ITGBL1: variants seen among roughly 807,000 people sequenced by gnomAD.
ITGBL1 encodes integrin beta-like protein 1.
A neutral mutation model predicts 68.5 loss-of-function variants in ITGBL1; 51 were observed. The ratio of observed to expected loss-of-function variants is 0.74; its 90% CI spans 0.59 to 0.94. The LOEUF (loss-of-function observed/expected upper bound fraction) is 0.94, where lower values mean the gene tolerates loss of function less well. ITGBL1 is among the 40% of genes least tolerant of loss of function. ITGBL1 has a pLI of 0.00. For missense variants in ITGBL1, 649 were observed against 647.4 expected, an observed-to-expected ratio of 1.00 and a Z score of -0.03; for synonymous variants, 209 against 227.3, an observed-to-expected ratio of 0.92 and a Z score of 0.72.
intron 7 of ITGBL1, among the ~76,000 whole-genome samples, chr13:101,607,210 C>T (rs916475642): frequency 1.8e-4 from 28 of 151,832 alleles, no homozygotes; most frequent in East Asian, 3.9e-4. Flanking sequence ...GGTAGGAAGA[C>T]GTATAATTAT....
chr13:101,647,315 A>G (rs1294609462), intron 7 of ITGBL1, among the ~76,000 whole-genome samples: 2 of 152,220 alleles, frequency 1.3e-5, no homozygotes, highest in Non-Finnish European at 2.9e-5. Context: ...ACCATCTATG[A>G]TGAGAAAATA....
intron 2 of ITGBL1, among the ~76,000 whole-genome samples, chr13:101,539,981 A>C (rs1254100179): frequency 1.3e-5 from 2 of 151,832 alleles, no homozygotes. Flanking sequence ...GATTGCAAAA[A>C]TTTTCTCCCA....
At chr13:101,612,714 G>A (rs151035858) in intron 7 of ITGBL1, among the ~76,000 whole-genome samples, 1 of 152,262 alleles carries the variant, frequency 6.6e-6, no homozygotes, top group East Asian at 1.9e-4. Flanking sequence ...TTTTGGATGT[G>A]TTAGGAGGCC....
At chr13:101,640,654 T>TA (rs571863422) in intron 7 of ITGBL1, among the ~76,000 whole-genome samples, 9 of 152,166 alleles carry the variant, frequency 5.9e-5, no homozygotes, top group Non-Finnish European at 1.2e-4. Flanking sequence ...ATTCAGGGGG[T>TA]ACATGTGCAG....
At chr13:101,618,086 C>T (rs756410921) in intron 7 of ITGBL1, among the ~76,000 whole-genome samples, 2 of 152,136 alleles carry the variant, frequency 1.3e-5, no homozygotes, top group Non-Finnish European at 2.9e-5. Context: ...TGCTATTTAC[C>T]TCTTACATAT....
chr13:101,653,586 G>T (rs563864953), intron 7 of ITGBL1, among the ~76,000 whole-genome samples: 62 of 152,296 alleles, frequency 4.1e-4, no homozygotes, highest in South Asian at 1.0e-3. Flanking sequence ...TTAGTAAGAA[G>T]AGGGCTCCAA....
intron 2 of ITGBL1, among the ~76,000 whole-genome samples, chr13:101,484,071 C>A (rs1349520242): frequency 6.6e-6 from 1 of 151,174 alleles, no homozygotes; most frequent in Admixed American, 6.6e-5. Context: ...TTTTTTTCCC[C>A]TGCTTTTTGT....
chr13:101,507,075 T>C (rs1055563106), intron 2 of ITGBL1, among the ~76,000 whole-genome samples: 1 of 152,154 alleles, frequency 6.6e-6, no homozygotes, highest in African/African-American at 2.4e-5. Context: ...AAGGAATACA[T>C]GTAGAGAAGA....
chr13:101,543,596 T>G (rs1453445305), intron 2 of ITGBL1, among the ~76,000 whole-genome samples: 1 of 152,194 alleles, frequency 6.6e-6, no homozygotes, highest in Non-Finnish European at 1.5e-5. Flanking sequence ...TGAGTTTGAA[T>G]GTTGGCCTGC....
chr13:101,648,896 ATCTGT>A (rs2032654756), intron 7 of ITGBL1, among the ~76,000 whole-genome samples: 1 of 152,026 alleles, frequency 6.6e-6, no homozygotes, highest in African/African-American at 2.4e-5. Flanking sequence ...TGTTAAATTG[ATCTGT>A]TCACTTTATG....
intron 7 of ITGBL1, among the ~76,000 whole-genome samples, chr13:101,680,916 C>T (rs926473476): frequency 2.0e-5 from 3 of 152,168 alleles, no homozygotes; most frequent in Non-Finnish European, 4.4e-5. Flanking sequence ...CTTTTAGACA[C>T]TTAAACAAAC....
chr13:101,570,292 A>G (rs1423454519), intron 3 of ITGBL1, among the ~76,000 whole-genome samples: 1 of 152,090 alleles, frequency 6.6e-6, no homozygotes, highest in African/African-American at 2.4e-5. Flanking sequence ...TTTTTGTGAC[A>G]TGCCTGCCTT....
intron 2 of ITGBL1, among the ~76,000 whole-genome samples, chr13:101,561,970 A>G (rs1422204283): frequency 6.6e-6 from 1 of 152,184 alleles, no homozygotes; most frequent in African/African-American, 2.4e-5. Context: ...CTGACTGTCT[A>G]AAACAAAATT....
chr13:101,642,475 G>A (rs1012143332), intron 7 of ITGBL1, among the ~76,000 whole-genome samples: 230 of 152,168 alleles, frequency 1.5e-3, no homozygotes, highest in African/African-American at 5.1e-3. Flanking sequence ...CCTTTGTCAG[G>A]TGAGTAGGTT....
chr13:101,656,446 G>C (rs1284534408), intron 7 of ITGBL1, among the ~76,000 whole-genome samples: 1 of 152,072 alleles, frequency 6.6e-6, no homozygotes, highest in Non-Finnish European at 1.5e-5. Flanking sequence ...TCCTTGTTTT[G>C]TAATGTTATG....
intron 2 of ITGBL1, among the ~76,000 whole-genome samples, chr13:101,494,234 G>T (rs9557677): frequency 6.6e-6 from 1 of 151,918 alleles, no homozygotes; most frequent in Non-Finnish European, 1.5e-5. Flanking sequence ...GCAATTATGC[G>T]GCTTACTTAA....
chr13:101,587,189 A>G (rs2050572183), intron 6 of ITGBL1, among the ~76,000 whole-genome samples: 1 of 152,188 alleles, frequency 6.6e-6, no homozygotes, highest in Non-Finnish European at 1.5e-5. Context: ...TATCTGTTCA[A>G]TAATGCATTT....
chr13:101,709,854 A>G (rs779720827), intron 9 of ITGBL1, among the ~76,000 whole-genome samples: 1 of 152,230 alleles, frequency 6.6e-6, no homozygotes, highest in Non-Finnish European at 1.5e-5. Context: ...CAGGGTAACA[A>G]ATAGCAGTCT....
At chr13:101,657,200 A>T (rs2032953851) in intron 7 of ITGBL1, among the ~76,000 whole-genome samples, 1 of 152,246 alleles carries the variant, frequency 6.6e-6, no homozygotes, top group Non-Finnish European at 1.5e-5. Context: ...CATGTATTGT[A>T]TTAAATTAAT....
Sources: gnomAD v4.1 joint callset for allele counts (sites outside exome capture counted in the v4.1 genomes callset) on GRCh38, gnomAD v4.1.1 for gene constraint, MANE v1.5 for transcripts, NCBI Gene and HGNC (gene_info 2026-07-23, HGNC 2026-07-21) for gene names.